The following CDH2 variants were observed in gnomAD, a reference collection of about 807,000 sequenced individuals.
CDH2 encodes cadherin 2.
A neutral mutation model predicts 92.0 loss-of-function variants in CDH2; 17 were observed. The observed-to-expected ratio is 0.18, with a 90% CI of 0.13 to 0.28. The LOEUF (loss-of-function observed/expected upper bound fraction) is 0.28. CDH2 is among the 10% of genes least tolerant of loss of function. The pLI, the probability that CDH2 is intolerant of heterozygous loss-of-function variation, is 1.00. For synonymous variants in CDH2, 419 were observed against 415.9 expected (o/e 1.01, Z -0.09); for missense variants, 862 against 1,133.1 (o/e 0.76, Z 3.44).
chr18:28,125,085 G>A (rs1421054415), intron 2 of CDH2, among the ~76,000 whole-genome samples: 4 of 152,090 alleles, frequency 2.6e-5, no homozygotes, highest in African/African-American at 9.7e-5. Flanking sequence ...TACAATTTAC[G>A]TTCCAGTACG....
chr18:28,012,829 T>C (rs1457177833), intron 3 of CDH2, among the ~76,000 whole-genome samples: 1 of 152,166 alleles, frequency 6.6e-6, no homozygotes, highest in Admixed American at 6.5e-5. Context: ...TGATATATTA[T>C]TCATGTTTGA....
chr18:28,058,879 A>AT (rs1253943481), intron 2 of CDH2, among the ~76,000 whole-genome samples: 1 of 152,188 alleles, frequency 6.6e-6, no homozygotes, highest in African/African-American at 2.4e-5. Context: ...AGTTGCTAGT[A>AT]TTTTTTGTTG....
chr18:28,077,588 C>T (rs930601293), intron 2 of CDH2, among the ~76,000 whole-genome samples: 1 of 151,816 alleles, frequency 6.6e-6, no homozygotes, highest in African/African-American at 2.4e-5. Context: ...ATCCTATTCC[C>T]AAAGAAAAAG....
Position 27,988,548 on chromosome 18 carries a change from C to T in CDH2, c.1717G>A (p.Ala573Thr), listed in dbSNP as rs962844318. Residue 573 changes from alanine (A) to threonine (T), a missense_variant, in exon 11 of 16, where the codon GCT becomes ACT. This residue lies in a region of CDH2 where 564 missense variants were observed against 722.2 expected (regional missense o/e 0.78). Transcript: ENST00000269141. The part of the protein sequence containing the change: ...SPNVKNNIYN[A>T]TFLASDNGIP... ...CCATTGTCAGAAGCAAGGAAAGTAG[C>T]ATTATATATATTGTTTTTCACATTT... 4 of 1,613,144 alleles carry T rather than the reference C, an allele frequency of 2.5e-6. No homozygotes were observed. Among genetic ancestry groups the T allele is most frequent in the Non-Finnish European group, 1.7e-6 (2 of 1,179,300 alleles).
At chr18:28,114,888 T>C (rs897898711) in intron 2 of CDH2, among the ~76,000 whole-genome samples, 12 of 151,310 alleles carry the variant, frequency 7.9e-5, no homozygotes, top group African/African-American at 2.9e-4. Flanking sequence ...GCCTACAGAA[T>C]GCAAAAAAAA....
intron 14 of CDH2, among the ~76,000 whole-genome samples, chr18:27,977,027 C>A (rs559808282): frequency 1.3e-5 from 2 of 152,162 alleles, no homozygotes; most frequent in Non-Finnish European, 2.9e-5. Flanking sequence ...CTGCAACCAA[C>A]CCCATTGGCC....
intron 14 of CDH2, among the ~76,000 whole-genome samples, chr18:27,966,724 T>C (rs1208719419): frequency 1.3e-5 from 2 of 152,216 alleles, no homozygotes. Context: ...ATAACATACT[T>C]ACATAATAGC....
chr18:28,032,121 C>T (rs1372828399), intron 2 of CDH2, among the ~76,000 whole-genome samples: 6 of 152,138 alleles, frequency 3.9e-5, no homozygotes, highest in African/African-American at 1.4e-4. Flanking sequence ...CCCAGATCAC[C>T]TACAGTCTGA....
chr18:28,141,459 G>A (rs1395065492), intron 2 of CDH2, among the ~76,000 whole-genome samples: 1 of 151,950 alleles, frequency 6.6e-6, no homozygotes, highest in African/African-American at 2.4e-5. Flanking sequence ...CACTGTGAAT[G>A]TACTAAGTGC....
At chr18:27,958,967 G>A (rs1178079998) in intron 15 of CDH2, among the ~76,000 whole-genome samples, 1 of 152,162 alleles carries the variant, frequency 6.6e-6, no homozygotes, top group Non-Finnish European at 1.5e-5. Flanking sequence ...GTGGAAATGT[G>A]AGTTGATTAA....
At chr18:28,039,545 C>T (rs529908854) in intron 2 of CDH2, among the ~76,000 whole-genome samples, 2 of 152,270 alleles carry the variant, frequency 1.3e-5, no homozygotes, top group Non-Finnish European at 2.9e-5. Context: ...CCACAACTGT[C>T]AGACAGAATA....
At chr18:28,027,034 G>A (rs1435448100) in intron 2 of CDH2, among the ~76,000 whole-genome samples, 2 of 152,044 alleles carry the variant, frequency 1.3e-5, no homozygotes, top group Non-Finnish European at 2.9e-5. Context: ...ATGAAAGAAC[G>A]GGCCAGCTGG....
In CDH2 at chr18:28,013,912, G is replaced by A. The variant is rs373161304; in HGVS notation, c.173-3C>T. 9 of 1,605,296 alleles carry A rather than the reference G, an allele frequency of 5.6e-6. No individual in the cohort carries two copies. In the African/African-American group the frequency reaches 6.7e-5, roughly 12 times the overall value. ...TCCATTGCAGTTGCTAAACTTCACTGTAAAAGATAAGAAATAGGTCAGTTA... is the reference window on the plus strand; with the variant it reads ...TCCATTGCAGTTGCTAAACTTCACTATAAAAGATAAGAAATAGGTCAGTTA... On this transcript the variant is annotated splice_polypyrimidine_tract_variant and splice_region_variant and intron_variant, in intron 2 of 15. Coordinates refer to ENST00000269141, the MANE Select transcript of CDH2 (RefSeq NM_001792.5).
chr18:27,934,716 TA>T (rs1908978763), intron 6 of CDH2, among the ~76,000 whole-genome samples: 2 of 58,124 alleles, frequency 3.4e-5, no homozygotes, highest in Non-Finnish European at 1.2e-4. Context: ...TTAATTAAAT[TA>T]ACTAATCAAT....
At chr18:28,152,087 G>C (rs2016132078) in intron 1 of CDH2, among the ~76,000 whole-genome samples, 2 of 152,172 alleles carry the variant, frequency 1.3e-5, no homozygotes, top group Admixed American at 1.3e-4. Flanking sequence ...CAGGAGTGTA[G>C]TTTGCAGATC....
chr18:27,989,067 T>C (rs1416968759), intron 10 of CDH2, among the ~76,000 whole-genome samples: 1 of 152,172 alleles, frequency 6.6e-6, no homozygotes, highest in African/African-American at 2.4e-5. Context: ...ATAATAGAAA[T>C]TGAATACTGC....
intron 2 of CDH2, among the ~76,000 whole-genome samples, chr18:28,122,286 C>T (rs1052229995): frequency 6.6e-6 from 1 of 152,068 alleles, no homozygotes; most frequent in Non-Finnish European, 1.5e-5. Flanking sequence ...GTATTTGTAT[C>T]AAACAACCCC....
At chr18:28,051,427 A>G (rs760506153) in intron 2 of CDH2, among the ~76,000 whole-genome samples, 16 of 152,194 alleles carry the variant, frequency 1.1e-4, no homozygotes, top group Admixed American at 2.6e-4. Flanking sequence ...TACAGTCTGT[A>G]ATACTAGACT....
chr18:28,122,950 A>T (rs565778410), intron 2 of CDH2, among the ~76,000 whole-genome samples: 2 of 152,250 alleles, frequency 1.3e-5, no homozygotes, highest in Admixed American at 1.3e-4. Flanking sequence ...CTAGTAAAAA[A>T]CAATCTCGAG....
Sources: allele counts gnomAD v4.1 joint callset (sites outside exome capture counted in the v4.1 genomes callset), GRCh38; gene constraint gnomAD v4.1.1; regional missense constraint gnomAD v4.1.1; transcripts MANE v1.5; gene names NCBI Gene and HGNC (gene_info 2026-07-23, HGNC 2026-07-21).